Variants in PSMC3 observed in about 807,000 individuals in gnomAD.
PSMC3 encodes the protein proteasome 26S subunit, ATPase 3, also known as 26S proteasome regulatory subunit 6A.
A neutral mutation model predicts 52.0 loss-of-function variants in PSMC3; 11 were observed. The ratio of observed to expected loss-of-function variants is 0.21; its 90% confidence interval spans 0.13 to 0.35. The LOEUF (loss-of-function observed/expected upper bound fraction) is 0.35, where lower values mean the gene tolerates loss of function less well. PSMC3 is among the 10% of genes least tolerant of loss of function. PSMC3 has a pLI of 1.00. For synonymous variants in PSMC3, 201 were observed against 218.8 expected (o/e 0.92, Z 0.72); for missense variants, 238 against 567.1 (o/e 0.42, Z 5.89).
chr11:47,425,404 C>A (rs1296240372), intron 2 of PSMC3, 158 bp from the exon 3 acceptor site: 3 of 873,890 alleles, frequency 3.4e-6, no homozygotes, highest in Admixed American at 5.3e-5. Flanking sequence ...TGTCCACATC[C>A]TGCAGAAGTC....
chr11:47,419,622 G>A (rs1278065416), intron 10 of PSMC3, among the ~76,000 whole-genome samples: 1 of 152,156 alleles, frequency 6.6e-6, no homozygotes, highest in Non-Finnish European at 1.5e-5. Context: ...CACTTTGGGA[G>A]GCCAAGGTGG....
intron 10 of PSMC3, among the ~76,000 whole-genome samples, chr11:47,419,593 C>T (rs554630102): frequency 2.0e-5 from 3 of 152,036 alleles, no homozygotes; most frequent in Admixed American, 6.5e-5. Context: ...GGCGTGGTGG[C>T]TCATACCTAT....
At position 47,422,555 on chromosome 11, in the gene PSMC3, AC is replaced by A. The variant is rs756156836; in HGVS notation, c.884+18del. On this transcript the variant is annotated intron_variant, in intron 8 of 11. Transcript: ENST00000298852. The surrounding 1 kb of genome is among the most constrained non-coding windows in gnomAD (Gnocchi z 4.3). ...CTTACCGCCACAGAGATCGCTAGGG[AC>A]CCTTGGCCCTCCCTTACCGCTTGGT... The A allele has an allele frequency of 2.1e-5, 34 of 1,613,454 alleles. No homozygotes were observed. Among genetic ancestry groups the A allele is most frequent in the Non-Finnish European group, 2.5e-5 (30 of 1,179,714 alleles).
chr11:47,424,386 C>T lies in PSMC3; in HGVS notation c.453+43G>A. 1 of 1,604,352 alleles carries T rather than the reference C, an allele frequency of 6.2e-7. No homozygotes were observed. The highest frequency in any genetic ancestry group is 8.5e-7 in the Non-Finnish European group (1 of 1,171,382). ...ACCTGGGGCGGGTACAGGGGCTCAG[C>T]TAGTCACCAGAAAAGCACTGCCTGG... On this transcript the variant is annotated intron_variant, in intron 5 of 11. Coordinates refer to ENST00000298852, the MANE Select transcript of PSMC3 (RefSeq NM_002804.5). This position sits in a 1 kb window ranked among gnomAD's most constrained non-coding sequence, Gnocchi z 4.8.
chr11:47,423,216 G>A (rs1269672949), intron 6 of PSMC3, among the ~76,000 whole-genome samples: 3 of 151,850 alleles, frequency 2.0e-5, no homozygotes, highest in Non-Finnish European at 4.4e-5. Flanking sequence ...TGGCTAACAC[G>A]GTGAAACTCC....
Position 47,424,441 on chromosome 11 carries a change from T to A in PSMC3, c.441A>T (p.Pro147=). 6.2e-7 allele frequency: 1 copy of A among 1,614,166 alleles called. No individual in the cohort carries two copies. Among genetic ancestry groups the A allele is most frequent in the East Asian group, 2.2e-5 (1 of 44,890 alleles). Residue 147 remains proline (P), a synonymous_variant, in exon 5 of 12, where the codon CCA becomes CCT. Transcript: ENST00000298852. This position sits in a 1 kb window ranked among gnomAD's most constrained non-coding sequence, Gnocchi z 4.8. ...IGLVDAEKLK[P]GDLVGVNKDS... ...AGGCCCCACTCACCACCAGGTCTCCTGGCTTTAGCTTTTCAGCATCCACCA... is the reference window on the plus strand; with the variant it reads ...AGGCCCCACTCACCACCAGGTCTCCAGGCTTTAGCTTTTCAGCATCCACCA...
At chr11:47,420,166 G>A (rs1390542499) in intron 10 of PSMC3, 98 bp downstream of exon 10, 3 of 1,424,948 alleles carry the variant, frequency 2.1e-6, no homozygotes, top group African/African-American at 2.8e-5. Flanking sequence ...GGGAGGTGGT[G>A]GTCGTGGAGG....
Position 47,426,313 on chromosome 11 carries a change from C to T in PSMC3, c.-34G>A. The T allele has an allele frequency of 6.6e-7, 1 of 1,521,550 alleles. No individual in the cohort carries two copies. The highest frequency in any genetic ancestry group is 2.5e-5 in the East Asian group (1 of 40,554). The allele number at this position is 1,521,550 out of a possible 1,614,324, so 94.3% of individuals were successfully genotyped here. A position where few individuals can be genotyped will look rare whatever the true frequency, so the allele number is the denominator to read the frequency against. On this transcript the variant is annotated 5_prime_UTR_variant, in exon 1 of 12. Coordinates refer to ENST00000298852, the MANE Select transcript of PSMC3 (RefSeq NM_002804.5). ...GGAGCGGGCAGAAGATGGGACCAGG[C>T]GGGAGCCGCAACGGGAGATTAATAC...
chr11:47,423,516 G>C (rs530092233), intron 6 of PSMC3, among the ~76,000 whole-genome samples: 1 of 152,274 alleles, frequency 6.6e-6, no homozygotes, highest in South Asian at 2.1e-4. Context: ...GCTGGGAGCA[G>C]TGGCTCATGC....
At position 47,426,314 on chromosome 11, in the gene PSMC3, G is replaced by A. The variant is rs911785724; in HGVS notation, c.-35C>T. 7.2e-6 allele frequency: 11 copies of A among 1,520,340 alleles called. No individual in the cohort carries two copies. Among genetic ancestry groups the A allele is most frequent in the East Asian group, 2.5e-5 (1 of 40,580 alleles). The allele number at this position is 1,520,340 out of a possible 1,614,324, so 94.2% of individuals were successfully genotyped here. On this transcript the variant is annotated 5_prime_UTR_variant, in exon 1 of 12. Coordinates refer to ENST00000298852, the MANE Select transcript of PSMC3 (RefSeq NM_002804.5). ...GAGCGGGCAGAAGATGGGACCAGGC[G>A]GGAGCCGCAACGGGAGATTAATACC...
Position 47,418,858 on chromosome 11 carries a change from C to T in PSMC3, c.1297G>A (p.Ala433Thr). The T allele has an allele frequency of 6.2e-7, 1 of 1,614,168 alleles. No homozygotes were observed. The highest frequency in any genetic ancestry group is 1.1e-5 in the South Asian group (1 of 91,078). Residue 433 changes from alanine (A) to threonine (T), a missense_variant, in exon 12 of 12, where the codon GCC (alanine) becomes ACC (threonine). Coordinates refer to ENST00000298852, the MANE Select transcript of PSMC3 (RefSeq NM_002804.5). Reference protein sequence around the residue: ...GILEVQAKKKANLQYYA With the variant: ...GILEVQAKKKTNLQYYA ...CCCTAGGCGTAGTATTGTAGGTTGG[C>T]TTTCTTCTTGGCCTGCACCTCCAGG...
Position 47,424,363 on chromosome 11 carries a change from C to G in PSMC3, c.453+66G>C, listed in dbSNP as rs977139826. 22 of 1,580,130 alleles carry G rather than the reference C, an allele frequency of 1.4e-5. No homozygotes were observed. The highest frequency in any genetic ancestry group is 1.7e-5 in the Non-Finnish European group (19 of 1,149,988). On this transcript the variant is annotated intron_variant, in intron 5 of 11. Transcript: ENST00000298852. This position sits in a 1 kb window ranked among gnomAD's most constrained non-coding sequence, Gnocchi z 4.8. ...GCCAAGATTCAGAGCCAACAGTGACCTGGGGCGGGTACAGGGGCTCAGCTA... is the reference window on the plus strand; with the variant it reads ...GCCAAGATTCAGAGCCAACAGTGACGTGGGGCGGGTACAGGGGCTCAGCTA...
In PSMC3 at chr11:47,426,294, G is replaced by A. The variant is rs1259653169; in HGVS notation, c.-15C>T. 1 of 1,548,680 alleles carries A rather than the reference G, an allele frequency of 6.5e-7. No homozygotes were observed. The highest frequency in any genetic ancestry group is 1.4e-5 in the African/African-American group (1 of 73,206). ...AGCAGATTCATTTCCTGGAGGAGCG[G>A]GCAGAAGATGGGACCAGGCGGGAGC... On this transcript the variant is annotated 5_prime_UTR_variant, in exon 1 of 12. Transcript: ENST00000298852.
intron 6 of PSMC3, 51 bp downstream of exon 6, chr11:47,423,995 G>A (rs760564459): frequency 1.2e-6 from 2 of 1,613,036 alleles, no homozygotes; most frequent in Non-Finnish European, 1.7e-6. Context: ...CAATGGCGTG[G>A]AGAAACTAAA....
At chr11:47,421,340 C>T (rs1349349107) in intron 8 of PSMC3, among the ~76,000 whole-genome samples, 1 of 150,516 alleles carries the variant, frequency 6.6e-6, no homozygotes, top group African/African-American at 2.4e-5. Context: ...TGAGCTAACG[C>T]TTAAAAACAC....
chr11:47,420,238 T>C, intron 10 of PSMC3, 26 bp downstream of exon 10: 1 of 1,612,832 alleles, frequency 6.2e-7, no homozygotes, highest in Non-Finnish European at 8.5e-7. Flanking sequence ...TTCAGGTCTC[T>C]GTGCCCTGCC....
At chr11:47,419,838 G>A (rs930579787) in intron 10 of PSMC3, among the ~76,000 whole-genome samples, 9 of 151,196 alleles carry the variant, frequency 6.0e-5, no homozygotes, top group Admixed American at 2.0e-4. Context: ...CAGCCTGGGC[G>A]ACAGAGCGAG....
In PSMC3 at chr11:47,419,836, G is replaced by A. The variant is rs186633661; in HGVS notation, c.1127+428C>T. On this transcript the variant is annotated intron_variant, in intron 10 of 11. Transcript: ENST00000298852. ...ATCGCGCCACTGTACTCCAGCCTGG[G>A]CGACAGAGCGAGACACTGTCTCCAA... 4.1e-3 allele frequency among the ~76,000 whole-genome samples: 623 copies of A among 151,896 alleles called. 1 individual carries two copies. The highest frequency in any genetic ancestry group is 0.015 in the African/African-American group (609 of 41,378).
chr11:47,423,471 C>T (rs1030388211), intron 6 of PSMC3, among the ~76,000 whole-genome samples: 16 of 151,522 alleles, frequency 1.1e-4, no homozygotes, highest in South Asian at 2.1e-4. Flanking sequence ...TCTCCAGGAA[C>T]GGGAGTATAT....
Sources: allele counts gnomAD v4.1 joint callset (sites outside exome capture counted in the v4.1 genomes callset), GRCh38; gene constraint gnomAD v4.1.1; non-coding constraint Gnocchi (gnomAD v3.1); transcripts MANE v1.5; gene names NCBI Gene and HGNC (gene_info 2026-07-23, HGNC 2026-07-21).